SS18: variants seen among roughly 807,000 people sequenced by gnomAD.
SS18 encodes protein SSXT.
Under a neutral mutation model 72.5 loss-of-function variants are expected in SS18, and 28 were observed. That is an observed-to-expected ratio of 0.39 (90% CI 0.29 to 0.53). The LOEUF is 0.53. SS18 is among the 20% of genes least tolerant of loss of function. SS18 has a pLI of 0.76. For missense variants in SS18, 518 were observed against 535.3 expected, an observed-to-expected ratio of 0.97 and a Z score of 0.32; for synonymous variants, 172 against 164.2, an observed-to-expected ratio of 1.05 and a Z score of -0.37.
intron 2 of SS18, among the ~76,000 whole-genome samples, chr18:26,084,889 CA>C (rs1598616499): frequency 6.6e-6 from 1 of 151,952 alleles, no homozygotes; most frequent in African/African-American, 2.4e-5. Flanking sequence ...TGGCAAAATT[CA>C]AAAAAGCCCT....
chr18:26,069,442 A>G (rs2054274450), intron 3 of SS18, among the ~76,000 whole-genome samples: 1 of 151,308 alleles, frequency 6.6e-6, no homozygotes, highest in Admixed American at 6.6e-5. Context: ...ACTTAACTGT[A>G]CATTAGAATT....
chr18:26,042,702 T>C (rs1422679089), intron 5 of SS18, among the ~76,000 whole-genome samples: 3 of 151,936 alleles, frequency 2.0e-5, no homozygotes, highest in African/African-American at 7.2e-5. Flanking sequence ...GAGTACTTAT[T>C]AGGTACAACA....
At chr18:26,019,427 T>C (rs1182475293) in intron 10 of SS18, among the ~76,000 whole-genome samples, 2 of 152,116 alleles carry the variant, frequency 1.3e-5, no homozygotes, top group African/African-American at 4.8e-5. Context: ...AATGGTACCC[T>C]AAAAATCTAC....
At chr18:26,066,750 T>C (rs1191670050) in intron 3 of SS18, among the ~76,000 whole-genome samples, 1 of 152,076 alleles carries the variant, frequency 6.6e-6, no homozygotes, top group Non-Finnish European at 1.5e-5. Flanking sequence ...CCTAAGATAT[T>C]TGAAAAAGAA....
chr18:26,087,647 A>G, intron 1 of SS18, 70 bp from the exon 2 acceptor site: 1 of 895,244 alleles, frequency 1.1e-6, no homozygotes, highest in Non-Finnish European at 1.8e-6. Context: ...TAGAAAATTC[A>G]GAAAGGGAGG....
intron 3 of SS18, among the ~76,000 whole-genome samples, chr18:26,062,464 T>C (rs1342248391): frequency 6.6e-6 from 1 of 151,814 alleles, no homozygotes; most frequent in African/African-American, 2.4e-5. Flanking sequence ...ATATGTAAAA[T>C]CAAATAGAAA....
chr18:26,055,766 GTT>G (rs71751424), intron 4 of SS18, among the ~76,000 whole-genome samples: 5 of 117,326 alleles, frequency 4.3e-5, no homozygotes, highest in African/African-American at 1.2e-4. Context: ...TTTTTTTTTT[GTT>G]TTTTTTTTTT....
At chr18:26,031,509 A>T (rs140710481) in intron 10 of SS18, among the ~76,000 whole-genome samples, 5 of 152,372 alleles carry the variant, frequency 3.3e-5, no homozygotes, top group African/African-American at 1.2e-4. Context: ...ACCTTCACTG[A>T]AAAGTGCAGA....
chr18:26,036,081 T>C (rs1451356436), intron 7 of SS18, among the ~76,000 whole-genome samples, 158 bp from the exon 8 acceptor site: 5 of 152,174 alleles, frequency 3.3e-5, no homozygotes, highest in African/African-American at 1.2e-4. Context: ...ACCAATGTGA[T>C]TGTTTTCATA....
chr18:26,049,960 A>T (rs2053892130), intron 5 of SS18, among the ~76,000 whole-genome samples: 1 of 152,256 alleles, frequency 6.6e-6, no homozygotes, highest in African/African-American at 2.4e-5. Context: ...TTAACATAAA[A>T]ATTGGGCCCA....
intron 10 of SS18, among the ~76,000 whole-genome samples, chr18:26,027,420 A>AG (rs1467304465): frequency 6.6e-6 from 1 of 152,068 alleles, no homozygotes; most frequent in African/African-American, 2.4e-5. Flanking sequence ...AGGCCGAAGC[A>AG]GGCGGATCAC....
upstream of SS18, chr18:26,091,068 C>T (rs1182883160): frequency 6.4e-6 from 1 of 157,028 alleles, no homozygotes; most frequent in African/African-American, 2.4e-5. Context: ...AGACCTAGTT[C>T]AGTTTTTCCA....
chr18:26,064,698 A>G (rs1481751290), intron 3 of SS18: 1 of 152,132 alleles, frequency 6.6e-6, no homozygotes, highest in African/African-American at 2.4e-5. Context: ...ATAAGACAAG[A>G]ATATACATCA....
chr18:26,066,227 C>G (rs995625679), intron 3 of SS18, among the ~76,000 whole-genome samples: 3 of 151,748 alleles, frequency 2.0e-5, no homozygotes, highest in Non-Finnish European at 4.4e-5. Context: ...ATTACTGGAG[C>G]CCCCAATCAT....
At chr18:26,064,943 A>G (rs990293701) in intron 3 of SS18, 2 of 152,128 alleles carry the variant, frequency 1.3e-5, no homozygotes, top group Non-Finnish European at 2.9e-5. Flanking sequence ...ATATTTCTAT[A>G]TATTTCCAAA....
intron 2 of SS18, chr18:26,082,549 A>C: frequency 1.0e-6 from 1 of 979,710 alleles, no homozygotes; most frequent in Non-Finnish European, 1.2e-6. Flanking sequence ...AAAAATAAGA[A>C]ATGATTTAAG....
intron 2 of SS18, among the ~76,000 whole-genome samples, chr18:26,087,258 G>A (rs1365713543): frequency 6.6e-6 from 1 of 152,100 alleles, no homozygotes; most frequent in African/African-American, 2.4e-5. Context: ...CGGGTTGAGG[G>A]GTGGGGGATA....
chr18:26,018,350 T>C lies in SS18; in HGVS notation c.*4A>G, dbSNP rs1244796051. On this transcript the variant is annotated 3_prime_UTR_variant, in exon 11 of 11. Transcript: ENST00000415083. ...ATACTGGCTACTGGAATGTAAGTAC[T>C]TTTTCACTGCTGGTAATTTCCATAC... is the stretch of plus-strand genomic sequence containing the variant. 3 of 1,600,466 alleles carry C rather than the reference T, an allele frequency of 1.9e-6. No individual in the cohort carries two copies. The African/African-American group carries it at 4.0e-5, about 21-fold the overall frequency.
chr18:26,090,472 C>G, intron 1 of SS18, 29 bp downstream of exon 1: 3 of 1,553,008 alleles, frequency 1.9e-6, no homozygotes, highest in Non-Finnish European at 2.6e-6. Context: ...CGGTAAGGGC[C>G]TGGCATCCGC....
Sources: gnomAD v4.1 joint callset for allele counts (sites outside exome capture counted in the v4.1 genomes callset) on GRCh38, gnomAD v4.1.1 for gene constraint, MANE v1.5 for transcripts, NCBI Gene and HGNC (gene_info 2026-07-23, HGNC 2026-07-21) for gene names.